Variants in CSMD1 observed in about 807,000 individuals in gnomAD.
CSMD1 encodes the protein CUB and Sushi multiple domains 1.
Under a neutral mutation model 417.5 loss-of-function variants are expected in CSMD1, and 213 were observed. The ratio of observed to expected loss-of-function variants is 0.51; its 90% CI spans 0.46 to 0.57. CSMD1 has a LOEUF of 0.57. Ranked by LOEUF, CSMD1 falls within the 20% of genes least tolerant of loss-of-function variation. CSMD1 has a pLI of 0.00. For missense variants in CSMD1, 6,923 were observed against 4,529.7 expected (o/e 1.53, Z -15.17); for synonymous variants, 2,862 against 1,736.8 (o/e 1.65, Z -16.11).
At chr8:3,798,933 C>T (rs1166699146) in intron 5 of CSMD1, among the ~76,000 whole-genome samples, 1 of 151,820 alleles carries the variant, frequency 6.6e-6, no homozygotes, top group African/African-American at 2.4e-5. Flanking sequence ...CTAAACATAT[C>T]ATATATATAA....
chr8:4,538,002 A>G (rs1010290238), intron 2 of CSMD1, among the ~76,000 whole-genome samples: 1 of 152,226 alleles, frequency 6.6e-6, no homozygotes, highest in Non-Finnish European at 1.5e-5. Context: ...GCTCTGCGTC[A>G]TGGTTTTCAT....
At chr8:4,781,328 G>C (rs984554370) in intron 1 of CSMD1, among the ~76,000 whole-genome samples, 5 of 152,252 alleles carry the variant, frequency 3.3e-5, no homozygotes, top group African/African-American at 1.2e-4. Context: ...GTCACACTTG[G>C]TTTACAACCA....
At chr8:4,935,261 T>G (rs1282723389) in intron 1 of CSMD1, among the ~76,000 whole-genome samples, 1 of 152,178 alleles carries the variant, frequency 6.6e-6, no homozygotes, top group African/African-American at 2.4e-5. Flanking sequence ...CTTCTTCAGT[T>G]AGATATCCTC....
chr8:4,396,588 A>G (rs1178593720), intron 3 of CSMD1, among the ~76,000 whole-genome samples: 1 of 151,922 alleles, frequency 6.6e-6, no homozygotes, highest in Non-Finnish European at 1.5e-5. Context: ...AATGCCCATC[A>G]AGCAATGAGT....
chr8:4,912,138 A>AAAG (rs1554518080), intron 1 of CSMD1, among the ~76,000 whole-genome samples: 15 of 131,384 alleles, frequency 1.1e-4, no homozygotes, highest in African/African-American at 3.8e-4. Flanking sequence ...AAAAAAAAAA[A>AAAG]AAAGAAAGAA....
chr8:3,179,097 C>T (rs576958450), intron 37 of CSMD1, among the ~76,000 whole-genome samples: 340 of 151,542 alleles, frequency 2.2e-3, no homozygotes, highest in South Asian at 0.01. Flanking sequence ...ACAGGCCCGC[C>T]ACCACGCCTG....
chr8:4,173,688 T>G (rs1366413134), intron 3 of CSMD1, among the ~76,000 whole-genome samples: 1 of 152,126 alleles, frequency 6.6e-6, no homozygotes, highest in Non-Finnish European at 1.5e-5. Context: ...TAGGAAAATT[T>G]CTGAATTACT....
At chr8:4,254,738 T>C (rs1484653642) in intron 3 of CSMD1, among the ~76,000 whole-genome samples, 4 of 152,142 alleles carry the variant, frequency 2.6e-5, no homozygotes, top group Non-Finnish European at 5.9e-5. Flanking sequence ...TATCTTCAGA[T>C]CTGCAAAGTC....
At chr8:3,046,459 T>C (rs1327938119) in intron 50 of CSMD1, among the ~76,000 whole-genome samples, 1 of 152,208 alleles carries the variant, frequency 6.6e-6, no homozygotes, top group Non-Finnish European at 1.5e-5. Context: ...CTTCTTTTTA[T>C]TCCCTTCCGT....
chr8:4,709,357 T>C (rs568298752), intron 1 of CSMD1, among the ~76,000 whole-genome samples: 2 of 152,152 alleles, frequency 1.3e-5, no homozygotes, highest in Non-Finnish European at 1.5e-5. Context: ...GAGTTTAGGC[T>C]GTATGTCCCA....
chr8:3,060,051 C>T (rs1324640786), intron 49 of CSMD1, among the ~76,000 whole-genome samples: 1 of 152,050 alleles, frequency 6.6e-6, no homozygotes, highest in Non-Finnish European at 1.5e-5. Context: ...TTACCGCAAA[C>T]TGGAATAAAG....
In CSMD1 at chr8:4,486,152, TATATACATAC is replaced by T. The variant is rs1372903198; in HGVS notation, c.303-66097_303-66088del. Among the ~76,000 whole-genome samples, 25 of 24,574 alleles carry T rather than the reference TATATACATAC, an allele frequency of 1.0e-3. 1 individual carries two copies. Among genetic ancestry groups the T allele is most frequent in the African/African-American group, 3.8e-3 (25 of 6,666 alleles). The allele number at this position is 24,574 out of a possible 152,430, so 16.1% of individuals were successfully genotyped here. On this transcript the variant is annotated intron_variant, in intron 2 of 69. Transcript: ENST00000635120. Reference sequence around the variant, plus strand: ...ATATATATATACATACATATATATATATATACATACATATATATATATACATACATATATA... The same window carrying T: ...ATATATATATACATACATATATATATATATATATATATACATACATATATA...
In CSMD1 at chr8:4,724,649, C is replaced by T. The variant is rs531244915; in HGVS notation, c.86-87091G>A. ...TTGGAAAAAATAAATGTAAGTTTCA[C>T]ACAGACATTGAATAAACTTGCTTTG... On this transcript the variant is annotated intron_variant, in intron 1 of 69. Transcript: ENST00000635120. Among the ~76,000 whole-genome samples the T allele has an allele frequency of 2.6e-5, 4 of 152,016 alleles. No individual in the cohort carries two copies. In the South Asian group the frequency reaches 6.2e-4, roughly 24 times the overall value.
At chr8:3,894,578 T>G (rs909959349) in intron 5 of CSMD1, among the ~76,000 whole-genome samples, 3 of 152,222 alleles carry the variant, frequency 2.0e-5, no homozygotes, top group Non-Finnish European at 4.4e-5. Context: ...TACATCCTAT[T>G]GATTTGTTGT....
intron 2 of CSMD1, among the ~76,000 whole-genome samples, chr8:4,533,027 T>C (rs946405047): frequency 6.6e-6 from 1 of 152,154 alleles, no homozygotes; most frequent in Non-Finnish European, 1.5e-5. Context: ...ACTCCGGAGT[T>C]TCTCCTCCCT....
At chr8:3,328,090 G>A (rs564887196) in intron 23 of CSMD1, among the ~76,000 whole-genome samples, 1 of 152,290 alleles carries the variant, frequency 6.6e-6, no homozygotes, top group Non-Finnish European at 1.5e-5. Flanking sequence ...CACAATGAGG[G>A]CATCCTGCTG....
intron 12 of CSMD1, among the ~76,000 whole-genome samples, chr8:3,450,981 T>G (rs1435210249): frequency 6.6e-6 from 1 of 152,164 alleles, no homozygotes; most frequent in Non-Finnish European, 1.5e-5. Flanking sequence ...CACCTGTTGT[T>G]TCCTGACTTT....
intron 7 of CSMD1, among the ~76,000 whole-genome samples, chr8:3,646,053 A>G (rs918031876): frequency 6.6e-6 from 1 of 151,898 alleles, no homozygotes; most frequent in Non-Finnish European, 1.5e-5. Flanking sequence ...TCCCAACCAA[A>G]AAAAAAAAGA....
chr8:3,115,645 A>G (rs1816822168), intron 42 of CSMD1, among the ~76,000 whole-genome samples: 1 of 152,228 alleles, frequency 6.6e-6, no homozygotes, highest in African/African-American at 2.4e-5. Context: ...TCATAATTTC[A>G]GATCACAGTT....
Sources: allele counts gnomAD v4.1 joint callset (sites outside exome capture counted in the v4.1 genomes callset), GRCh38; gene constraint gnomAD v4.1.1; transcripts MANE v1.5; gene names NCBI Gene and HGNC (gene_info 2026-07-23, HGNC 2026-07-21).